Variants in SDK1 observed in about 807,000 individuals in gnomAD.
SDK1 encodes sidekick cell adhesion molecule 1.
SDK1 carries 157 observed loss-of-function variants against 245.5 expected under a neutral mutation model. The observed-to-expected ratio is 0.64, with a 90% CI of 0.56 to 0.73. The LOEUF (loss-of-function observed/expected upper bound fraction) is 0.73, where lower values mean the gene tolerates loss of function less well. Ranked by LOEUF, SDK1 falls within the 30% of genes least tolerant of loss-of-function variation. The probability of loss-of-function intolerance (pLI) is 0.00; values close to 1 mark genes in which losing one functional copy is unlikely to be tolerated. For missense variants in SDK1, 3,583 were observed against 3,002.3 expected, an observed-to-expected ratio of 1.19 and a Z score of -4.52; for synonymous variants, 1,647 against 1,278.5, an observed-to-expected ratio of 1.29 and a Z score of -6.15.
intron 1 of SDK1, among the ~76,000 whole-genome samples, chr7:3,474,321 C>T (rs909981300): frequency 6.6e-6 from 1 of 151,714 alleles, no homozygotes; most frequent in Admixed American, 6.6e-5. Context: ...GTCTCGGTCT[C>T]TTGACCTCGT....
rs768457794 is a variant in SDK1 at position 4,114,128 on chromosome 7, C to A, written c.3677C>A (p.Ala1226Asp). ...TCAGACCTCCAGTCCTCAGCAGTGG[C>A]CCAAGTCGTCAGTGACCGGCTGGAG... Reference protein sequence around the residue: ...WRSDLQSSAVAQVVSDRLERE... With the variant: ...WRSDLQSSAVDQVVSDRLERE... Residue 1226 changes from alanine (A) to aspartate (D), a missense_variant, in exon 25 of 45, where the codon GCC (alanine) becomes GAC (aspartate). Physicochemically the swap from Ala to Asp is moderately radical, Grantham distance 126 (BLOSUM62 -2). Coordinates refer to ENST00000404826, the MANE Select transcript of SDK1 (RefSeq NM_152744.4). 1 of 1,614,222 alleles carries A rather than the reference C, an allele frequency of 6.2e-7. No individual in the cohort carries two copies. Among genetic ancestry groups the A allele is most frequent in the South Asian group, 1.1e-5 (1 of 91,088 alleles).
chr7:3,503,443 G>A (rs1782281010), intron 1 of SDK1, among the ~76,000 whole-genome samples: 1 of 152,048 alleles, frequency 6.6e-6, no homozygotes, highest in South Asian at 2.1e-4. Flanking sequence ...AAGTTTTGAG[G>A]CCAAGCAGGA....
intron 8 of SDK1, among the ~76,000 whole-genome samples, chr7:3,962,084 C>T (rs908534983): frequency 6.6e-6 from 1 of 152,176 alleles, no homozygotes; most frequent in Non-Finnish European, 1.5e-5. Flanking sequence ...CATGCACATA[C>T]ATATACACAC....
At chr7:3,836,824 T>A (rs1358659179) in intron 5 of SDK1, among the ~76,000 whole-genome samples, 1 of 152,118 alleles carries the variant, frequency 6.6e-6, no homozygotes, top group East Asian at 1.9e-4. Flanking sequence ...AAACAACAGA[T>A]GTTCATTTTC....
At position 4,265,394 on chromosome 7, in the gene SDK1, C is replaced by T. The variant is rs752731597; in HGVS notation, c.*10C>T. 4.2e-6 allele frequency: 6 copies of T among 1,423,562 alleles called. No individual in the cohort carries two copies. The highest frequency in any genetic ancestry group is 5.5e-6 in the Non-Finnish European group (6 of 1,099,144). 88.2% of individuals were successfully genotyped at this position (1,423,562 alleles called of 1,614,324 possible). A position where few individuals can be genotyped will look rare whatever the true frequency, so the allele number is the denominator to read the frequency against. ...CTCCTCCTTCGTGTGAGCAAAGCGC[C>T]GCGCCTCCCTCAGGGCGGAACGGAG... On this transcript the variant is annotated 3_prime_UTR_variant, in exon 45 of 45. Transcript: ENST00000404826.
chr7:4,073,824 C>T (rs758563503), intron 20 of SDK1, among the ~76,000 whole-genome samples: 6 of 152,146 alleles, frequency 3.9e-5, no homozygotes, highest in Non-Finnish European at 8.8e-5. Context: ...ACCCGGAGAA[C>T]AGCGAAAGTG....
intron 1 of SDK1, among the ~76,000 whole-genome samples, chr7:3,599,711 G>C (rs1781193967): frequency 6.6e-6 from 1 of 152,112 alleles, no homozygotes; most frequent in African/African-American, 2.4e-5. Context: ...TTGTTTAAAA[G>C]TCTGTCCCTC....
chr7:3,475,899 C>A (rs2128600184), intron 1 of SDK1, among the ~76,000 whole-genome samples: 1 of 152,206 alleles, frequency 6.6e-6, no homozygotes, highest in East Asian at 1.9e-4. Context: ...CCTGCCCAAA[C>A]CATTAATTAA....
chr7:3,950,548 G>C (rs1780764544), intron 5 of SDK1, among the ~76,000 whole-genome samples: 1 of 152,292 alleles, frequency 6.6e-6, no homozygotes, highest in Non-Finnish European at 1.5e-5. Context: ...CAGTCTCTTA[G>C]TGTGCCTGAT....
In SDK1 at chr7:3,392,961, A is replaced by ATTTTTTTT. The variant is rs572782966; in HGVS notation, c.298+91089_298+91096dup. The stretch of plus-strand genomic sequence containing the variant: ...GTATCTGTTTGAGTCCCTGTTTTAA[A>ATTTTTTTT]TTTTTTTTTTTTTTTTTTTCTTTTT... On this transcript the variant is annotated intron_variant, in intron 1 of 44. Coordinates refer to ENST00000404826, the MANE Select transcript of SDK1 (RefSeq NM_152744.4). Among the ~76,000 whole-genome samples, 377 of 86,982 alleles carry ATTTTTTTT rather than the reference A, an allele frequency of 4.3e-3. 13 individuals carry two copies. The highest frequency in any genetic ancestry group is 6.0e-3 in the Non-Finnish European group (282 of 47,322). 57.1% of individuals were successfully genotyped at this position (86,982 alleles called of 152,430 possible). A position where few individuals can be genotyped will look rare whatever the true frequency, so the allele number is the denominator to read the frequency against.
chr7:3,512,566 C>T (rs1009085634), intron 1 of SDK1, among the ~76,000 whole-genome samples: 14 of 152,186 alleles, frequency 9.2e-5, no homozygotes, highest in African/African-American at 3.4e-4. Flanking sequence ...TAACATTTTA[C>T]ATCCCCAGCA....
At chr7:3,889,917 A>G (rs1445143840) in intron 5 of SDK1, among the ~76,000 whole-genome samples, 1 of 152,176 alleles carries the variant, frequency 6.6e-6, no homozygotes, top group Admixed American at 6.5e-5. Flanking sequence ...AACTCTTGAG[A>G]ACCTTCCAGG....
chr7:3,592,561 G>A (rs574518191), intron 1 of SDK1, among the ~76,000 whole-genome samples: 1 of 152,106 alleles, frequency 6.6e-6, no homozygotes, highest in South Asian at 2.1e-4. Flanking sequence ...CCCAGTGAAG[G>A]TTATTTATTT....
chr7:3,680,885 C>T (rs1562366587), intron 4 of SDK1, among the ~76,000 whole-genome samples: 1 of 152,054 alleles, frequency 6.6e-6, no homozygotes, highest in African/African-American at 2.4e-5. Flanking sequence ...GCTCTGTTGC[C>T]AGGCTGGAGT....
Position 4,245,810 on chromosome 7 carries a change from G to A in SDK1, c.6381+5G>A, listed in dbSNP as rs752674935. On this transcript the variant is annotated splice_donor_5th_base_variant and intron_variant, in intron 44 of 44. Transcript: ENST00000404826. ...GCAGATGCATCAGAATCTGAGGTCA[G>A]TGTCGGTGCCTACTTCCGGGCAGTG... 17 of 1,613,766 alleles carry A rather than the reference G, an allele frequency of 1.1e-5. No individual in the cohort carries two copies. The Admixed American group carries it at 2.2e-4, about 21-fold the overall frequency.
intron 20 of SDK1, among the ~76,000 whole-genome samples, chr7:4,074,856 TTC>T (rs1159856321): frequency 0.016 from 1,127 of 72,338 alleles, 119 homozygotes; most frequent in African/African-American, 0.099. Flanking sequence ...GAGCAAGACT[TTC>T]TCTCTCTCTC....
At chr7:3,739,768 TTTCTATTGA>T (rs1468719329) in intron 4 of SDK1, among the ~76,000 whole-genome samples, 3 of 152,190 alleles carry the variant, frequency 2.0e-5, no homozygotes, top group Non-Finnish European at 2.9e-5. Context: ...TTAGGGGCAG[TTTCTATTGA>T]TTGCTTTTTT....
intron 1 of SDK1, among the ~76,000 whole-genome samples, chr7:3,555,110 C>A (rs1779547085): frequency 2.0e-5 from 3 of 152,002 alleles, no homozygotes; most frequent in African/African-American, 4.8e-5. Flanking sequence ...CCACAAAAAG[C>A]CAAGAATAGA....
chr7:4,149,336 G>T lies in SDK1; in HGVS notation c.4498G>T (p.Val1500Phe), dbSNP rs757140006. ...VTARSLRLQWVPGSDGASPIR... is the reference protein window; with the variant it reads ...VTARSLRLQWFPGSDGASPIR... ...CGCACGCAGCCTCCGGCTCCAGTGGGTCCCGGGCAGCGACGGGGCCTCCCC... is the reference window on the plus strand; with the variant it reads ...CGCACGCAGCCTCCGGCTCCAGTGGTTCCCGGGCAGCGACGGGGCCTCCCC... Residue 1500 changes from valine (V) to phenylalanine (F), a missense_variant, in exon 30 of 45, where the codon GTC (valine) becomes TTC (phenylalanine). Physicochemically the swap from Val to Phe is conservative, Grantham distance 50 (BLOSUM62 -1). Transcript: ENST00000404826. 3 of 1,591,890 alleles carry T rather than the reference G, an allele frequency of 1.9e-6. No homozygotes were observed. The South Asian group carries it at 3.4e-5, about 18-fold the overall frequency.
Sources: gnomAD v4.1 joint callset for allele counts (sites outside exome capture counted in the v4.1 genomes callset) on GRCh38, gnomAD v4.1.1 for gene constraint, MANE v1.5 for transcripts, NCBI Gene and HGNC (gene_info 2026-07-23, HGNC 2026-07-21) for gene names.